The following MYO16 variants were observed in gnomAD, a reference collection of about 807,000 sequenced individuals.
MYO16 encodes myosin XVI.
MYO16 carries 94 observed loss-of-function variants against 205.3 expected under a neutral mutation model. That is an observed-to-expected ratio of 0.46 (90% CI 0.39 to 0.54). MYO16 has a LOEUF of 0.54. Among genes scored for constraint, MYO16 ranks in the 20% least tolerant of loss-of-function variants. MYO16 has a pLI of 0.00. For missense variants in MYO16, 2,315 were observed against 2,387.5 expected (o/e 0.97, Z 0.63); for synonymous variants, 988 against 954.0 (o/e 1.04, Z -0.66).
At chr13:109,181,422 C>A (rs947763514) in intron 34 of MYO16, among the ~76,000 whole-genome samples, 2 of 152,234 alleles carry the variant, frequency 1.3e-5, no homozygotes, top group Non-Finnish European at 2.9e-5. Context: ...AGTATGGACA[C>A]ATGCAGGGAA....
intron 16 of MYO16, among the ~76,000 whole-genome samples, chr13:108,951,706 G>A (rs1883155517): frequency 1.3e-5 from 2 of 152,084 alleles, no homozygotes; most frequent in African/African-American, 4.8e-5. Flanking sequence ...ATAAACAATG[G>A]CGATGTAGAC....
chr13:108,700,346 AAAAAGAAG>A (rs1257184462), intron 2 of MYO16, among the ~76,000 whole-genome samples: 164 of 21,364 alleles, frequency 7.7e-3, no homozygotes, highest in East Asian at 0.034. Flanking sequence ...AAAAAAAAAA[AAAAAGAAG>A]AAGAAGAAGA....
intron 2 of MYO16, among the ~76,000 whole-genome samples, chr13:108,709,218 C>A (rs1408626401): frequency 6.6e-6 from 1 of 152,224 alleles, no homozygotes; most frequent in African/African-American, 2.4e-5. Context: ...TTTCACTTGA[C>A]TGGCCGCTCC....
At chr13:108,744,607 A>G (rs1416622049) in intron 4 of MYO16, among the ~76,000 whole-genome samples, 3 of 152,216 alleles carry the variant, frequency 2.0e-5, no homozygotes, top group East Asian at 1.9e-4. Flanking sequence ...GAGCCCTTCA[A>G]ATGGCCTTGG....
chr13:108,707,993 C>T (rs1293319712), intron 2 of MYO16, among the ~76,000 whole-genome samples: 2 of 152,110 alleles, frequency 1.3e-5, no homozygotes, highest in African/African-American at 4.8e-5. Flanking sequence ...TTTTGTGACC[C>T]TCCATCCGGT....
intron 1 of MYO16, among the ~76,000 whole-genome samples, chr13:108,601,002 C>T (rs1010120640): frequency 1.3e-5 from 2 of 151,856 alleles, no homozygotes; most frequent in Non-Finnish European, 2.9e-5. Context: ...AAAAAGTAAT[C>T]CCAGGTCCTT....
At chr13:108,704,358 A>G (rs1309052476) in intron 2 of MYO16, among the ~76,000 whole-genome samples, 1 of 152,200 alleles carries the variant, frequency 6.6e-6, no homozygotes. Flanking sequence ...ATAAACACTC[A>G]TCTTTCTTTA....
chr13:108,605,416 C>G (rs577789705), intron 1 of MYO16, among the ~76,000 whole-genome samples: 4 of 152,276 alleles, frequency 2.6e-5, no homozygotes, highest in African/African-American at 9.6e-5. Flanking sequence ...CCACCCAAAT[C>G]TCATCTTGCA....
At chr13:108,796,012 T>C (rs1332052893) in intron 6 of MYO16, among the ~76,000 whole-genome samples, 2 of 152,028 alleles carry the variant, frequency 1.3e-5, no homozygotes, top group African/African-American at 4.8e-5. Flanking sequence ...ACTCCTACAG[T>C]GTCAGGGGCG....
At chr13:108,562,334 G>A in the MYO16 span, among the ~76,000 whole-genome samples, 287 of 152,148 alleles carry the variant, frequency 1.9e-3, 4 homozygotes, top group Non-Finnish European at 2.5e-3. Context: ...CCATCACATT[G>A]GGGTTAGTAT....
chr13:109,026,583 T>C (rs1886370544), intron 23 of MYO16, among the ~76,000 whole-genome samples: 1 of 152,194 alleles, frequency 6.6e-6, no homozygotes, highest in Admixed American at 6.5e-5. Flanking sequence ...AAAGTATTTA[T>C]TGGTTCATCT....
At chr13:109,177,549 C>T (rs899553342) in intron 33 of MYO16, among the ~76,000 whole-genome samples, 2 of 151,956 alleles carry the variant, frequency 1.3e-5, no homozygotes, top group African/African-American at 4.8e-5. Flanking sequence ...GATGGAGTCT[C>T]ACTCTGTCAC....
At chr13:108,952,094 C>T (rs1594420726) in intron 16 of MYO16, among the ~76,000 whole-genome samples, 1 of 148,680 alleles carries the variant, frequency 6.7e-6, no homozygotes, top group South Asian at 2.1e-4. Context: ...CTGGGAAAAA[C>T]GAGTGAGACT....
At chr13:109,172,834 G>A (rs1878976599) in intron 33 of MYO16, among the ~76,000 whole-genome samples, 1 of 16,044 alleles carries the variant, frequency 6.2e-5, no homozygotes, top group South Asian at 1.8e-3. Context: ...GAATGAGGTA[G>A]ATGGAGGTGC....
the MYO16 span, among the ~76,000 whole-genome samples, chr13:108,507,979 A>C: frequency 2.0e-5 from 3 of 151,936 alleles, no homozygotes; most frequent in East Asian, 5.8e-4. Context: ...AAAGTCCAGA[A>C]ATTTTTTTTT....
At chr13:109,173,758 G>A (rs931982208) in intron 33 of MYO16, among the ~76,000 whole-genome samples, 3 of 151,934 alleles carry the variant, frequency 2.0e-5, no homozygotes, top group Non-Finnish European at 4.4e-5. Flanking sequence ...AGCCGGGCGT[G>A]GTGGTGGGCG....
intron 3 of MYO16, among the ~76,000 whole-genome samples, chr13:108,717,218 T>C (rs1883978897): frequency 6.6e-6 from 1 of 152,204 alleles, no homozygotes; most frequent in South Asian, 2.1e-4. Context: ...CACCTCAGAC[T>C]ATAGCCAAGC....
intron 31 of MYO16, among the ~76,000 whole-genome samples, chr13:109,137,228 A>G (rs568716548): frequency 1.8e-4 from 27 of 152,278 alleles, no homozygotes; most frequent in African/African-American, 6.0e-4. Flanking sequence ...ATGTGTCCCA[A>G]GGGAAGGAGG....
At chr13:108,613,131 G>A (rs927806465) in intron 1 of MYO16, among the ~76,000 whole-genome samples, 1 of 152,144 alleles carries the variant, frequency 6.6e-6, no homozygotes, top group Non-Finnish European at 1.5e-5. Flanking sequence ...AATTGGGCAC[G>A]TTGTCTTAAG....
Sources: allele counts gnomAD v4.1 joint callset (sites outside exome capture counted in the v4.1 genomes callset), GRCh38; gene constraint gnomAD v4.1.1; transcripts MANE v1.5; gene names NCBI Gene and HGNC (gene_info 2026-07-23, HGNC 2026-07-21).